KCNJ6: variants seen among roughly 807,000 people sequenced by gnomAD.
KCNJ6 encodes potassium inwardly rectifying channel subfamily J member 6.
Under a neutral mutation model 34.2 loss-of-function variants are expected in KCNJ6, and 9 were observed. The ratio of observed to expected loss-of-function variants is 0.26; its 90% CI spans 0.16 to 0.46. KCNJ6 has a LOEUF of 0.46. Ranked by LOEUF, KCNJ6 falls within the 20% of genes least tolerant of loss-of-function variation. The pLI is 1.00. For synonymous variants in KCNJ6, 196 were observed against 207.1 expected (o/e 0.95, Z 0.46); for missense variants, 236 against 531.3 (o/e 0.44, Z 5.46).
chr21:37,809,363 C>T lies in KCNJ6; in HGVS notation c.25+31295G>A, dbSNP rs532890174. On this transcript the variant is annotated intron_variant, in intron 2 of 3. Transcript: ENST00000609713. ...ACACAGGAAGGGGAACATCACACTC[C>T]GGGGCCTGTTGTGGGGTGGGGAGAG... Among the ~76,000 whole-genome samples the T allele has an allele frequency of 9.9e-3, 1,479 of 149,040 alleles. 27 individuals are homozygous for T. Among genetic ancestry groups the T allele is most frequent in the African/African-American group, 0.033 (1,341 of 40,510 alleles).
At chr21:37,626,166 T>G (rs1476433167) in intron 3 of KCNJ6, among the ~76,000 whole-genome samples, 1 of 151,484 alleles carries the variant, frequency 6.6e-6, no homozygotes, top group African/African-American at 2.4e-5. Context: ...AGTCTCGCTG[T>G]GTCGCCCAGG....
rs116756622 is a variant in KCNJ6 at position 37,784,385 on chromosome 21, C to G, written c.25+56273G>C. On this transcript the variant is annotated intron_variant, in intron 2 of 3. Transcript: ENST00000609713. ...TTTCCCTGCCCTCAGCCAGACCGAG[C>G]CTTCTGCCTTGGAGGCTGGAGTAAG... Among the ~76,000 whole-genome samples the G allele has an allele frequency of 3.1e-3, 475 of 152,372 alleles. 2 individuals carry two copies. The highest frequency in any genetic ancestry group is 0.011 in the African/African-American group (441 of 41,600).
At chr21:37,670,720 G>A (rs1384249090) in intron 3 of KCNJ6, among the ~76,000 whole-genome samples, 2 of 152,144 alleles carry the variant, frequency 1.3e-5, no homozygotes, top group African/African-American at 4.8e-5. Context: ...ACCCAAGATC[G>A]TGCCACTGCA....
intron 2 of KCNJ6, among the ~76,000 whole-genome samples, chr21:37,727,338 A>G (rs2054859827): frequency 2.6e-5 from 4 of 152,124 alleles, no homozygotes; most frequent in East Asian, 1.9e-4. Context: ...GGTGGGGTCT[A>G]AGGCAGATTG....
At chr21:37,796,247 G>T (rs1386252550) in intron 2 of KCNJ6, among the ~76,000 whole-genome samples, 1 of 152,198 alleles carries the variant, frequency 6.6e-6, no homozygotes, top group Admixed American at 6.5e-5. Flanking sequence ...TTCTCAGCTG[G>T]ATCAACAGCC....
chr21:37,789,000 T>A (rs974621048), intron 2 of KCNJ6, among the ~76,000 whole-genome samples: 2 of 152,202 alleles, frequency 1.3e-5, no homozygotes, highest in African/African-American at 4.8e-5. Context: ...AAGCTTCTTC[T>A]GGAAGTTTAT....
At chr21:37,822,503 A>G (rs1408853715) in intron 2 of KCNJ6, among the ~76,000 whole-genome samples, 1 of 152,224 alleles carries the variant, frequency 6.6e-6, no homozygotes, top group African/African-American at 2.4e-5. Flanking sequence ...GAAGCCTCTG[A>G]ATGGGTACGG....
intron 2 of KCNJ6, among the ~76,000 whole-genome samples, chr21:37,739,765 G>A (rs1167431623): frequency 6.6e-6 from 1 of 152,122 alleles, no homozygotes; most frequent in African/African-American, 2.4e-5. Flanking sequence ...GGGGTGAGGA[G>A]GGAGAGAGGG....
At chr21:37,722,013 CT>C (rs1425918771) in intron 2 of KCNJ6, among the ~76,000 whole-genome samples, 1 of 152,172 alleles carries the variant, frequency 6.6e-6, no homozygotes, top group Non-Finnish European at 1.5e-5. Flanking sequence ...AATGATCTCT[CT>C]TTGCTGATAA....
At chr21:37,761,075 C>T (rs2055058770) in intron 2 of KCNJ6, among the ~76,000 whole-genome samples, 1 of 152,082 alleles carries the variant, frequency 6.6e-6, no homozygotes, top group Non-Finnish European at 1.5e-5. Context: ...GGGGACGCCC[C>T]TTAGAGTAAG....
At chr21:37,857,373 G>A (rs1288629380) in intron 1 of KCNJ6, among the ~76,000 whole-genome samples, 3 of 152,222 alleles carry the variant, frequency 2.0e-5, no homozygotes, top group Non-Finnish European at 4.4e-5. Flanking sequence ...CCAATGTTTA[G>A]AGCAACAAGA....
intron 1 of KCNJ6, among the ~76,000 whole-genome samples, chr21:37,906,470 A>T (rs1358202101): frequency 6.6e-6 from 1 of 152,188 alleles, no homozygotes; most frequent in African/African-American, 2.4e-5. Context: ...CCCACCCTTT[A>T]GAGTGCATCA....
At chr21:37,712,808 C>T (rs1477409474) in intron 3 of KCNJ6, among the ~76,000 whole-genome samples, 1 of 148,114 alleles carries the variant, frequency 6.8e-6, no homozygotes, top group Non-Finnish European at 1.5e-5. Context: ...TCCCTTCCTC[C>T]TCCCCACCCA....
intron 2 of KCNJ6, among the ~76,000 whole-genome samples, chr21:37,794,025 T>C (rs2055229617): frequency 6.6e-6 from 1 of 152,250 alleles, no homozygotes; most frequent in Admixed American, 6.5e-5. Flanking sequence ...ATATTTGTTA[T>C]TGTGACTCAG....
At chr21:37,690,008 A>C (rs73416037) in intron 3 of KCNJ6, among the ~76,000 whole-genome samples, 2,778 of 152,324 alleles carry the variant, frequency 0.018, 98 homozygotes, top group African/African-American at 0.063. Flanking sequence ...AAAAAATAGA[A>C]ATACTCTTAT....
intron 1 of KCNJ6, among the ~76,000 whole-genome samples, chr21:37,908,813 C>A (rs957213781): frequency 3.9e-5 from 6 of 152,232 alleles, no homozygotes; most frequent in Admixed American, 3.3e-4. Context: ...TGGGACAAAT[C>A]ATTTCCTCTG....
chr21:37,867,638 T>A (rs2055629693), intron 1 of KCNJ6, among the ~76,000 whole-genome samples: 1 of 152,162 alleles, frequency 6.6e-6, no homozygotes. Context: ...AAAGCGACAA[T>A]AATAGATTGT....
chr21:37,879,714 AGTGTGTGTGTGTGTGTGTGT>A (rs56736533), intron 1 of KCNJ6, among the ~76,000 whole-genome samples: 84 of 143,288 alleles, frequency 5.9e-4, no homozygotes, highest in Non-Finnish European at 7.8e-4. Context: ...CTTGAAATGA[AGTGTGTGTGTGTGTGTGTGT>A]GTGTGTGTGT....
intron 2 of KCNJ6, among the ~76,000 whole-genome samples, chr21:37,789,950 A>G (rs762345411): frequency 7.2e-5 from 11 of 152,210 alleles, no homozygotes; most frequent in Non-Finnish European, 1.5e-4. Flanking sequence ...AGGCCGCTAC[A>G]TACCCAGGTG....
Sources: allele counts gnomAD v4.1 joint callset (sites outside exome capture counted in the v4.1 genomes callset), GRCh38; gene constraint gnomAD v4.1.1; transcripts MANE v1.5; gene names NCBI Gene and HGNC (gene_info 2026-07-23, HGNC 2026-07-21).